PPP2R3B: variants seen among roughly 807,000 people sequenced by gnomAD.
PPP2R3B encodes serine/threonine-protein phosphatase 2A regulatory subunit B'' subunit beta.
In PPP2R3B, 68 loss-of-function variants were observed where a neutral mutation model predicts 72.9. The observed-to-expected ratio is 0.93, with a 90% CI of 0.77 to 1.14. PPP2R3B has a LOEUF of 1.14. Ranked by LOEUF, PPP2R3B falls within the 50% of genes most tolerant of loss-of-function variation. PPP2R3B has a pLI of 0.00. For synonymous variants in PPP2R3B, 466 were observed against 375.8 expected, an observed-to-expected ratio of 1.24 and a Z score of -2.78; for missense variants, 1,018 against 842.0, an observed-to-expected ratio of 1.21 and a Z score of -2.59.
In PPP2R3B at chrX:347,588, A is replaced by G; in HGVS notation, c.614+2T>C. On this transcript the variant is annotated splice_donor_variant, in intron 3 of 12. Coordinates refer to ENST00000390665, the MANE Select transcript of PPP2R3B (RefSeq NM_013239.5). LOFTEE classifies it high-confidence loss of function. The stretch of plus-strand genomic sequence containing the variant: ...CAGCCCCCTGCCCAGCCCAGGACTC[A>G]CTTTCTCCACATGGCGACGAACTTG... 6.4e-7 allele frequency: 1 copy of G among 1,572,182 alleles called. No homozygotes were observed. The highest frequency in any genetic ancestry group is 8.6e-7 in the Non-Finnish European group (1 of 1,158,456).
At chrX:381,168 A>C (rs975844129) in intron 1 of PPP2R3B, among the ~76,000 whole-genome samples, 1 of 151,886 alleles carries the variant, frequency 6.6e-6, no homozygotes, top group African/African-American at 2.4e-5. Flanking sequence ...GCCTCAAGGG[A>C]TCCTCCCTCC....
At chrX:338,384 T>G in intron 12 of PPP2R3B, 1 of 610,898 alleles carries the variant, frequency 1.6e-6, no homozygotes, top group South Asian at 1.9e-5. Flanking sequence ...ACGCGGGGAA[T>G]GACGGGCAGA....
At position 346,742 on chromosome X, in the gene PPP2R3B, G is replaced by A. The variant is rs762094858; in HGVS notation, c.751C>T (p.Leu251=). ...VVNTHPGLSF[L]KEASEFHSRY... is the part of the protein sequence containing the mutation. Reference sequence around the variant, plus strand: ...GAGTGGAACTCGGACGCCTCCTTCAGGAACGACAGCCCCGGGTGCGTGTTC... The same window carrying A: ...GAGTGGAACTCGGACGCCTCCTTCAAGAACGACAGCCCCGGGTGCGTGTTC... Residue 251 remains leucine (L), a synonymous_variant, in exon 5 of 13, where the codon CTG becomes TTG. Coordinates refer to ENST00000390665, the MANE Select transcript of PPP2R3B (RefSeq NM_013239.5). The A allele has an allele frequency of 6.2e-7, 1 of 1,610,734 alleles. No homozygotes were observed. Among genetic ancestry groups the A allele is most frequent in the Non-Finnish European group, 8.5e-7 (1 of 1,178,892 alleles).
intron 4 of PPP2R3B, among the ~76,000 whole-genome samples, 194 bp downstream of exon 4, chrX:347,040 C>G (rs1372583479): frequency 1.3e-5 from 2 of 148,770 alleles, no homozygotes; most frequent in African/African-American, 5.1e-5. Context: ...GCGGTGTAGA[C>G]GCGGACCCTC....
chrX:346,410 C>T, intron 5 of PPP2R3B, 150 bp from the exon 6 acceptor site: 4 of 741,148 alleles, frequency 5.4e-6, no homozygotes, highest in Middle Eastern at 4.0e-4. Context: ...AAGGGCCCTG[C>T]GGGAGGCGCC....
intron 2 of PPP2R3B, among the ~76,000 whole-genome samples, chrX:354,417 C>T (rs1052377133): frequency 1.3e-5 from 2 of 152,272 alleles, no homozygotes; most frequent in African/African-American, 4.8e-5. Context: ...AGGACCGGGG[C>T]TGCCTTCACA....
chrX:363,423 G>GTGCCCGCAATCCCACAGTGCATCTCTCGA (rs2071593246), intron 1 of PPP2R3B, among the ~76,000 whole-genome samples: 1 of 40,704 alleles, frequency 2.5e-5, no homozygotes, highest in Admixed American at 2.8e-4. Flanking sequence ...GCATCTCCCC[G>GTGCCCGCAATCCCACAGTGCATCTCTCGA]AGCCCGCGAT....
At chrX:364,154 C>T (rs2071630054) in intron 1 of PPP2R3B, among the ~76,000 whole-genome samples, 1 of 152,230 alleles carries the variant, frequency 6.6e-6, no homozygotes, top group Admixed American at 6.5e-5. Flanking sequence ...AGGCAAAACG[C>T]AGGGTCCTCC....
intron 1 of PPP2R3B, among the ~76,000 whole-genome samples, chrX:363,284 ACG>A (rs2071584484): frequency 2.8e-5 from 4 of 142,986 alleles, no homozygotes; most frequent in South Asian, 2.2e-4. Flanking sequence ...CCCCGAGCCC[ACG>A]ATCCCGCAGT....
At chrX:353,624 GA>G (rs922077535) in intron 2 of PPP2R3B, among the ~76,000 whole-genome samples, 33 of 152,266 alleles carry the variant, frequency 2.2e-4, no homozygotes, top group Admixed American at 7.8e-4. Context: ...GCTATCACAA[GA>G]AAAGGAGACC....
intron 1 of PPP2R3B, among the ~76,000 whole-genome samples, chrX:385,296 C>T (rs1167341780): frequency 7.3e-5 from 11 of 150,718 alleles, no homozygotes; most frequent in Admixed American, 1.3e-4. Flanking sequence ...CTTTTCTTCC[C>T]TCCAAGTGCT....
chrX:369,823 C>G (rs911683607), intron 1 of PPP2R3B, among the ~76,000 whole-genome samples: 1 of 152,232 alleles, frequency 6.6e-6, no homozygotes, highest in Non-Finnish European at 1.5e-5. Context: ...CGGGCTGCAA[C>G]GCACAGCCGT....
chrX:356,949 T>C (rs1603081421), intron 2 of PPP2R3B, among the ~76,000 whole-genome samples: 1 of 149,250 alleles, frequency 6.7e-6, no homozygotes, highest in African/African-American at 2.5e-5. Context: ...AGCCCCACAG[T>C]ATCCACACCA....
chrX:376,550 C>T (rs1205583936), intron 1 of PPP2R3B, among the ~76,000 whole-genome samples: 7 of 125,162 alleles, frequency 5.6e-5, no homozygotes, highest in African/African-American at 1.7e-4. Context: ...CCAGTGGGGC[C>T]GCCATGGGGC....
chrX:367,528 G>A (rs989534608), intron 1 of PPP2R3B, among the ~76,000 whole-genome samples: 25 of 152,172 alleles, frequency 1.6e-4, no homozygotes, highest in Middle Eastern at 6.8e-3. Flanking sequence ...CTCCCAAGGC[G>A]CTGGGATCAC....
chrX:385,332 T>C (rs1316847983), intron 1 of PPP2R3B, among the ~76,000 whole-genome samples: 3 of 130,300 alleles, frequency 2.3e-5, no homozygotes, highest in East Asian at 2.1e-4. Context: ...TTTTTTTTTT[T>C]TTTTTTTTTT....
chrX:378,683 G>GGGGA (rs373968187), intron 1 of PPP2R3B, among the ~76,000 whole-genome samples: 4 of 152,190 alleles, frequency 2.6e-5, no homozygotes, highest in African/African-American at 9.6e-5. Context: ...GTCAACAGAA[G>GGGGA]GGGAGGGAGG....
Position 386,861 on chromosome X carries a change from G to T in PPP2R3B, c.-170C>A. 1 of 241,030 alleles carries T rather than the reference G, an allele frequency of 4.1e-6. No individual in the cohort carries two copies. Among genetic ancestry groups the T allele is most frequent in the Non-Finnish European group, 7.4e-6 (1 of 135,014 alleles). The allele number at this position is 241,030 out of a possible 1,614,324, so 14.9% of individuals were successfully genotyped here. ...ACTGCGCGGACTCGCGGGGCGCGGG[G>T]ACCGAGGAGGGGGCGCGGTCCGGCC... On this transcript the variant is annotated 5_prime_UTR_variant, in exon 1 of 13. Coordinates refer to ENST00000390665, the MANE Select transcript of PPP2R3B (RefSeq NM_013239.5).
At chrX:350,646 G>T (rs2071311058) in intron 2 of PPP2R3B, among the ~76,000 whole-genome samples, 2 of 152,244 alleles carry the variant, frequency 1.3e-5, no homozygotes, top group Admixed American at 1.3e-4. Flanking sequence ...AGGGCATGGA[G>T]AGGTGGCAAC....
Sources: gnomAD v4.1 joint callset for allele counts (sites outside exome capture counted in the v4.1 genomes callset) on GRCh38, gnomAD v4.1.1 for gene constraint, MANE v1.5 for transcripts, NCBI Gene and HGNC (gene_info 2026-07-23, HGNC 2026-07-21) for gene names.